Variants in ALPK2 observed in about 807,000 individuals in gnomAD.
ALPK2 encodes the protein alpha-protein kinase 2.
A neutral mutation model predicts 163.1 loss-of-function variants in ALPK2; 127 were observed. The ratio of observed to expected loss-of-function variants is 0.78; its 90% confidence interval spans 0.67 to 0.90. ALPK2 has a LOEUF of 0.90. Among genes scored for constraint, ALPK2 ranks in the 40% least tolerant of loss-of-function variants. ALPK2 has a pLI of 0.00. For synonymous variants in ALPK2, 953 were observed against 959.1 expected, an observed-to-expected ratio of 0.99 and a Z score of 0.12; for missense variants, 2,360 against 2,589.6, an observed-to-expected ratio of 0.91 and a Z score of 1.92.
intron 5 of ALPK2, among the ~76,000 whole-genome samples, chr18:58,529,765 A>G (rs1036797497): frequency 4.6e-5 from 7 of 152,264 alleles, no homozygotes; most frequent in African/African-American, 1.7e-4. Flanking sequence ...AAGATAACCT[A>G]GTAGATTGGA....
chr18:58,495,608 A>G (rs1462301750), intron 12 of ALPK2, among the ~76,000 whole-genome samples: 3 of 152,070 alleles, frequency 2.0e-5, no homozygotes, highest in Non-Finnish European at 4.4e-5. Flanking sequence ...AATTTAAAAG[A>G]TGTCTTCAAT....
intron 3 of ALPK2, among the ~76,000 whole-genome samples, chr18:58,601,979 G>A (rs1306222329): frequency 6.6e-6 from 1 of 152,110 alleles, no homozygotes; most frequent in Admixed American, 6.5e-5. Context: ...CCTCCCGCCA[G>A]ATGCAGTAGC....
At chr18:58,577,425 CTG>C (rs2051927704) in intron 4 of ALPK2, among the ~76,000 whole-genome samples, 1 of 152,196 alleles carries the variant, frequency 6.6e-6, no homozygotes, top group African/African-American at 2.4e-5. Context: ...GGATAAATGA[CTG>C]TAAAAAAAGC....
intron 3 of ALPK2, among the ~76,000 whole-genome samples, chr18:58,590,218 TAAAAA>T (rs11286325): frequency 4.1e-5 from 4 of 97,248 alleles, no homozygotes; most frequent in Non-Finnish European, 4.1e-5. Context: ...AGGCTCCATC[TAAAAA>T]AAAAAAAAAA....
chr18:58,534,410 T>G (rs1419955064), intron 5 of ALPK2, among the ~76,000 whole-genome samples: 2 of 152,252 alleles, frequency 1.3e-5, no homozygotes, highest in Non-Finnish European at 2.9e-5. Context: ...TCCTGCTTAG[T>G]GCATGGTCTA....
Position 58,536,370 on chromosome 18 carries a change from A to T in ALPK2, c.3817T>A (p.Trp1273Arg). The T allele has an allele frequency of 6.2e-7, 1 of 1,614,216 alleles. No individual in the cohort carries two copies. Among genetic ancestry groups the T allele is most frequent in the Non-Finnish European group, 8.5e-7 (1 of 1,180,022 alleles). The change falls in exon 5 of 13, where the codon TGG (tryptophan) becomes AGG (arginine). Residue 1273 changes from tryptophan (W) to arginine (R), a missense_variant. Trp to Arg is a moderately radical substitution (Grantham distance 101). Coordinates refer to ENST00000361673, the MANE Select transcript of ALPK2 (RefSeq NM_052947.4). ...GCCTTTAGACTATCAGGTACAGCCC[A>T]GACCTTGTCAGGAATTATGAGACCA... ...DGGLIIPDKV[W>R]AVPDSLKADA...
rs113263677 is a variant in ALPK2 at position 58,537,379 on chromosome 18, G to A, written c.2808C>T (p.Asn936=). ...HAGQEQPSPS[N]SGGLDETQLL... Reference sequence around the variant, plus strand: ...GCTGTGTTTCATCAAGCCCTCCTGAGTTGCTGGGGCTTGGCTGCTCCTGGC... The same window carrying A: ...GCTGTGTTTCATCAAGCCCTCCTGAATTGCTGGGGCTTGGCTGCTCCTGGC... The change falls in exon 5 of 13, where the codon AAC becomes AAT. Residue 936 remains asparagine (N), a synonymous_variant. Transcript: ENST00000361673. 1.2e-6 allele frequency: 2 copies of A among 1,613,912 alleles called. No homozygotes were observed. Among genetic ancestry groups the A allele is most frequent in the Admixed American group, 1.7e-5 (1 of 60,012 alleles).
chr18:58,585,498 A>AC (rs2051980984), intron 3 of ALPK2, among the ~76,000 whole-genome samples: 2 of 152,182 alleles, frequency 1.3e-5, no homozygotes, highest in African/African-American at 2.4e-5. Context: ...TTTGATTAAT[A>AC]TATGTAGAAA....
chr18:58,606,989 G>C (rs1009644604), intron 3 of ALPK2, among the ~76,000 whole-genome samples: 6 of 152,218 alleles, frequency 3.9e-5, no homozygotes, highest in Non-Finnish European at 7.3e-5. Context: ...CAACAATGCT[G>C]AGATCCTATC....
intron 12 of ALPK2, among the ~76,000 whole-genome samples, chr18:58,486,969 A>T (rs1259950927): frequency 2.6e-5 from 4 of 152,214 alleles, no homozygotes; most frequent in Non-Finnish European, 5.9e-5. Context: ...TACATGCGAC[A>T]TGTGCCACCC....
rs779547094 is a variant in ALPK2, at chr18:58,579,317, T to C, written c.1459A>G (p.Met487Val). ...EEFASDNLLN[M>V]DESVRETEMK... ...TCTGTCTCTCTTACTGATTCATCCA[T>C]GTTGAGCAGATTGTCACTGGCAAAT... The change falls in exon 4 of 13, where the codon ATG (methionine) becomes GTG (valine). Residue 487 changes from methionine to valine, a missense_variant. Coordinates refer to ENST00000361673, the MANE Select transcript of ALPK2 (RefSeq NM_052947.4). 19 of 1,614,214 alleles carry C rather than the reference T, an allele frequency of 1.2e-5. No homozygotes were observed. The East Asian group carries it at 3.8e-4, about 32-fold the overall frequency.
intron 8 of ALPK2, among the ~76,000 whole-genome samples, chr18:58,519,357 T>C (rs961207382): frequency 6.6e-6 from 1 of 152,214 alleles, no homozygotes; most frequent in African/African-American, 2.4e-5. Flanking sequence ...TAACAGAGTA[T>C]AGGAAATGTT....
intron 1 of ALPK2, among the ~76,000 whole-genome samples, chr18:58,625,725 G>A (rs1288809589): frequency 6.6e-6 from 1 of 152,230 alleles, no homozygotes; most frequent in Non-Finnish European, 1.5e-5. Context: ...AAATCAAGGT[G>A]GGCTGTGCAG....
rs752361224 is a variant in ALPK2 at position 58,481,727 on chromosome 18, T to A, written c.*96A>T. On this transcript the variant is annotated 3_prime_UTR_variant, in exon 13 of 13. Transcript: ENST00000361673. ...GCTGGGAGTAAGGATTGCCACGCAC[T>A]CTCTGCAGGCTGTATATTCTCTCCT... 1.3e-5 allele frequency: 13 copies of A among 1,004,962 alleles called. No homozygotes were observed. The South Asian group carries it at 1.8e-4, about 14-fold the overall frequency. 62.3% of individuals were successfully genotyped at this position (1,004,962 alleles called of 1,614,324 possible).
At chr18:58,509,637 A>G (rs2051479411) in intron 10 of ALPK2, among the ~76,000 whole-genome samples, 1 of 151,818 alleles carries the variant, frequency 6.6e-6, no homozygotes, top group African/African-American at 2.4e-5. Flanking sequence ...ATGGCCAGTG[A>G]TGATGAACAT....
chr18:58,628,454 T>C (rs1191465763), intron 1 of ALPK2, among the ~76,000 whole-genome samples: 1 of 152,250 alleles, frequency 6.6e-6, no homozygotes, highest in Admixed American at 6.5e-5. Flanking sequence ...GTATATTTTT[T>C]CTAACTGTTA....
At chr18:58,543,718 A>G (rs1334119410) in intron 4 of ALPK2, among the ~76,000 whole-genome samples, 1 of 152,226 alleles carries the variant, frequency 6.6e-6, no homozygotes. Context: ...GCACATATTA[A>G]AGGGTGAATT....
intron 4 of ALPK2, among the ~76,000 whole-genome samples, chr18:58,564,960 C>T (rs1189202365): frequency 6.6e-6 from 1 of 152,148 alleles, no homozygotes; most frequent in Non-Finnish European, 1.5e-5. Context: ...TTAATCCTAT[C>T]ATTTGAATGT....
chr18:58,556,869 A>T (rs1017073197), intron 4 of ALPK2, among the ~76,000 whole-genome samples: 1 of 152,176 alleles, frequency 6.6e-6, no homozygotes, highest in Non-Finnish European at 1.5e-5. Flanking sequence ...CATTGCAGAC[A>T]TGAGCCCTTA....
Sources: gnomAD v4.1 joint callset for allele counts (sites outside exome capture counted in the v4.1 genomes callset) on GRCh38, gnomAD v4.1.1 for gene constraint, MANE v1.5 for transcripts, NCBI Gene and HGNC (gene_info 2026-07-23, HGNC 2026-07-21) for gene names.